L3MBTL4: variants seen among roughly 807,000 people sequenced by gnomAD.
L3MBTL4 encodes the protein lethal(3)malignant brain tumor-like protein 4.
Under a neutral mutation model 84.5 loss-of-function variants are expected in L3MBTL4, and 70 were observed. The observed-to-expected ratio is 0.83, with a 90% CI of 0.68 to 1.01. The LOEUF (loss-of-function observed/expected upper bound fraction) is 1.01. L3MBTL4 is among the 50% of genes least tolerant of loss of function. The pLI is 0.00. For synonymous variants in L3MBTL4, 274 were observed against 259.8 expected (o/e 1.05, Z -0.52); for missense variants, 715 against 754.8 (o/e 0.95, Z 0.62).
intron 14 of L3MBTL4, among the ~76,000 whole-genome samples, chr18:6,107,723 G>T (rs1046920947): frequency 6.6e-6 from 1 of 152,132 alleles, no homozygotes; most frequent in South Asian, 2.1e-4. Context: ...CATTCTGCAG[G>T]TGAGCAGAGG....
At chr18:6,075,843 T>C (rs922866204) in intron 16 of L3MBTL4, among the ~76,000 whole-genome samples, 4 of 152,116 alleles carry the variant, frequency 2.6e-5, no homozygotes, top group African/African-American at 9.7e-5. Flanking sequence ...ATGAGAAAGA[T>C]ACTTCATAAA....
intron 10 of L3MBTL4, among the ~76,000 whole-genome samples, chr18:6,234,771 G>A (rs1361715275): frequency 6.6e-6 from 1 of 152,138 alleles, no homozygotes; most frequent in East Asian, 1.9e-4. Context: ...ATTCCTCAAG[G>A]ATCTAGAACT....
At chr18:5,972,539 A>T (rs1164842956) in intron 16 of L3MBTL4, among the ~76,000 whole-genome samples, 1 of 152,210 alleles carries the variant, frequency 6.6e-6, no homozygotes, top group Non-Finnish European at 1.5e-5. Context: ...TCTTGAGGTC[A>T]GGATTGAGAA....
At chr18:6,330,489 C>A (rs2051974002) in intron 1 of L3MBTL4, among the ~76,000 whole-genome samples, 1 of 152,232 alleles carries the variant, frequency 6.6e-6, no homozygotes, top group South Asian at 2.1e-4. Flanking sequence ...TAGGATATGT[C>A]ACCCAGACAC....
intron 1 of L3MBTL4, among the ~76,000 whole-genome samples, chr18:6,410,425 G>C (rs547641396): frequency 6.6e-6 from 1 of 152,112 alleles, no homozygotes; most frequent in Non-Finnish European, 1.5e-5. Context: ...GAAGGCAAGC[G>C]TCATGTCGGC....
At chr18:6,247,938 T>A (rs1445001314) in intron 5 of L3MBTL4, among the ~76,000 whole-genome samples, 1 of 152,140 alleles carries the variant, frequency 6.6e-6, no homozygotes, top group Non-Finnish European at 1.5e-5. Context: ...CTTCTGTCCC[T>A]CACTGGTGAT....
At chr18:6,401,579 C>T (rs1024714150) in intron 1 of L3MBTL4, among the ~76,000 whole-genome samples, 18 of 152,204 alleles carry the variant, frequency 1.2e-4, no homozygotes. Context: ...GGAAAAAGCA[C>T]ATGAGGATTA....
intron 12 of L3MBTL4, among the ~76,000 whole-genome samples, chr18:6,175,399 C>T (rs950048669): frequency 3.9e-5 from 6 of 152,116 alleles, no homozygotes; most frequent in South Asian, 2.1e-4. Context: ...AAAAAGAATA[C>T]GCACTTATAG....
intron 16 of L3MBTL4, among the ~76,000 whole-genome samples, chr18:5,971,528 C>G (rs2052642754): frequency 2.0e-5 from 3 of 152,076 alleles, no homozygotes; most frequent in African/African-American, 4.8e-5. Flanking sequence ...TGAAAAGACA[C>G]AGTGAAAGAA....
In L3MBTL4 at chr18:6,170,309, T is replaced by C. The variant is rs542938055; in HGVS notation, c.1096+1519A>G. Among the ~76,000 whole-genome samples, 336 of 152,280 alleles carry C rather than the reference T, an allele frequency of 2.2e-3. 3 individuals carry two copies. Among genetic ancestry groups the C allele is most frequent in the Non-Finnish European group, 3.7e-3 (254 of 68,018 alleles). On this transcript the variant is annotated intron_variant, in intron 13 of 18. Transcript: ENST00000317931. ...ACATTCTGAGAAGCATCCGTAACTA[T>C]GATGACACCTCAAAATAATGCAATA...
chr18:6,197,933 T>C (rs1424892406), intron 12 of L3MBTL4, among the ~76,000 whole-genome samples: 2 of 152,218 alleles, frequency 1.3e-5, no homozygotes, highest in African/African-American at 4.8e-5. Flanking sequence ...GTGGTGCAGG[T>C]CAGACAGAAC....
chr18:6,359,275 C>T (rs898400360), intron 1 of L3MBTL4, among the ~76,000 whole-genome samples: 17 of 152,128 alleles, frequency 1.1e-4, no homozygotes, highest in Non-Finnish European at 1.2e-4. Context: ...GCCTGGGCAA[C>T]ATGGTGAAAC....
intron 14 of L3MBTL4, among the ~76,000 whole-genome samples, chr18:6,096,664 G>GA (rs1479326444): frequency 1.3e-5 from 2 of 152,048 alleles, no homozygotes; most frequent in Non-Finnish European, 2.9e-5. Context: ...TATTCACATT[G>GA]AAAAAAAGAA....
At chr18:6,333,857 A>G (rs568111271) in intron 1 of L3MBTL4, among the ~76,000 whole-genome samples, 6 of 152,226 alleles carry the variant, frequency 3.9e-5, no homozygotes, top group Non-Finnish European at 8.8e-5. Flanking sequence ...TAATATGCCA[A>G]TAAGTGCACT....
In L3MBTL4 at chr18:6,322,622, A is replaced by T. The variant is rs1407124727; in HGVS notation, c.-90-10566T>A. On this transcript the variant is annotated intron_variant, in intron 1 of 18. Coordinates refer to ENST00000317931, the MANE Select transcript of L3MBTL4 (RefSeq NM_001330559.2). ...AAGCAACCTAAGTATCCATGAACAG[A>T]TGAATGAATAAAGAAAATGAGGTAC... Among the ~76,000 whole-genome samples, 3 of 152,296 alleles carry T rather than the reference A, an allele frequency of 2.0e-5. No homozygotes were observed. In the East Asian group the frequency reaches 5.8e-4, roughly 29 times the overall value.
intron 13 of L3MBTL4, among the ~76,000 whole-genome samples, chr18:6,161,940 T>C (rs2043359051): frequency 6.7e-6 from 1 of 150,142 alleles, no homozygotes; most frequent in Admixed American, 6.6e-5. Flanking sequence ...AAAATATATA[T>C]ATATATCTAA....
intron 16 of L3MBTL4, chr18:6,030,556 C>G: frequency 1.2e-6 from 1 of 814,982 alleles, no homozygotes. Context: ...TGGTGATGTA[C>G]AGTGGCACGA....
chr18:6,325,221 C>T (rs895432111), intron 1 of L3MBTL4, among the ~76,000 whole-genome samples: 22 of 152,242 alleles, frequency 1.4e-4, no homozygotes, highest in Admixed American at 9.8e-4. Flanking sequence ...CAACAGGAAT[C>T]TGAGAAAATA....
At chr18:6,216,025 C>T (rs887881933) in intron 10 of L3MBTL4, among the ~76,000 whole-genome samples, 190 bp from the exon 11 acceptor site, 14 of 152,184 alleles carry the variant, frequency 9.2e-5, no homozygotes, top group African/African-American at 3.1e-4. Flanking sequence ...GGCATGCCTG[C>T]ACTCAAGCAC....
Sources: allele counts gnomAD v4.1 joint callset (sites outside exome capture counted in the v4.1 genomes callset), GRCh38; gene constraint gnomAD v4.1.1; transcripts MANE v1.5; gene names NCBI Gene and HGNC (gene_info 2026-07-23, HGNC 2026-07-21).